USP53: variants seen among roughly 807,000 people sequenced by gnomAD.
USP53 encodes ubiquitin carboxyl-terminal hydrolase 53.
Under a neutral mutation model 94.9 loss-of-function variants are expected in USP53, and 71 were observed. That is an observed-to-expected ratio of 0.75 (90% CI 0.62 to 0.91). USP53 has a LOEUF of 0.91. USP53 is among the 40% of genes least tolerant of loss of function. USP53 has a pLI of 0.00. For synonymous variants in USP53, 375 were observed against 422.7 expected, an observed-to-expected ratio of 0.89 and a Z score of 1.39; for missense variants, 1,173 against 1,281.0, an observed-to-expected ratio of 0.92 and a Z score of 1.29.
intron 17 of USP53, among the ~76,000 whole-genome samples, chr4:119,276,215 G>T (rs1313745851): frequency 7.6e-6 from 1 of 130,782 alleles, no homozygotes; most frequent in African/African-American, 2.7e-5. Context: ...TGCCCATTCA[G>T]TATGATATTG....
At chr4:119,237,857 T>C (rs550449320) in intron 4 of USP53, among the ~76,000 whole-genome samples, 1 of 152,360 alleles carries the variant, frequency 6.6e-6, no homozygotes, top group East Asian at 1.9e-4. Context: ...TTTTATGTTA[T>C]GGAGATGGCA....
intron 11 of USP53, 149 bp from the exon 12 acceptor site, chr4:119,261,566 G>A: frequency 1.9e-6 from 1 of 522,044 alleles, no homozygotes; most frequent in Non-Finnish European, 3.1e-6. Flanking sequence ...TGTGATGTCA[G>A]TGGTGCCTTC....
chr4:119,260,527 A>T lies in USP53; in HGVS notation c.696A>T (p.Ile232=), dbSNP rs1245978771. 6.2e-7 allele frequency: 1 copy of T among 1,613,632 alleles called. No individual in the cohort carries two copies. The highest frequency in any genetic ancestry group is 1.3e-5 in the African/African-American group (1 of 74,902). ...RKCPSNCGQK[I]KIRRVLMNCP... ...TGTAGAGTAACTGTGGCCAAAAAAT[A>T]AAAATTCGCCGTGTTTTAATGAATT... The change falls in exon 11 of 19, where the codon ATA becomes ATT. Residue 232 remains isoleucine (I), a synonymous_variant. Transcript: ENST00000692078.
chr4:119,222,869 A>G (rs894248992), intron 3 of USP53, among the ~76,000 whole-genome samples: 3 of 131,934 alleles, frequency 2.3e-5, no homozygotes, highest in African/African-American at 8.7e-5. Context: ...ATGTAATACA[A>G]AAAATAATAA....
chr4:119,269,722 G>C lies in USP53; in HGVS notation c.1320G>C (p.Lys440Asn). 6.7e-7 allele frequency: 1 copy of C among 1,494,522 alleles called. No homozygotes were observed. The allele number at this position is 1,494,522 out of a possible 1,614,324, so 92.6% of individuals were successfully genotyped here. Residue 440 changes from lysine to asparagine, a missense_variant, in exon 15 of 19, where the codon AAG (lysine) becomes AAC (asparagine). Transcript: ENST00000692078. ...TAAGTCACATTGATCAAAGGGAAAAGATAAAAGACATTTCCAGAGAATGTG... is the reference window on the plus strand; with the variant it reads ...TAAGTCACATTGATCAAAGGGAAAACATAAAAGACATTTCCAGAGAATGTG... The part of the protein sequence containing the change: ...AKLSHIDQRE[K>N]IKDISRECAL...
intron 2 of USP53, among the ~76,000 whole-genome samples, chr4:119,214,844 A>G (rs576441047): frequency 6.6e-6 from 1 of 152,234 alleles, no homozygotes; most frequent in African/African-American, 2.4e-5. Context: ...AATCAGAATT[A>G]TTTTCCCTCC....
intron 15 of USP53, among the ~76,000 whole-genome samples, chr4:119,270,508 C>T (rs1213744355): frequency 2.6e-5 from 4 of 151,978 alleles, no homozygotes; most frequent in East Asian, 1.9e-4. Context: ...ATATGTGTTT[C>T]GATGTTTTAA....
chr4:119,216,595 A>G (rs1419985723), intron 2 of USP53, among the ~76,000 whole-genome samples: 1 of 152,182 alleles, frequency 6.6e-6, no homozygotes, highest in Non-Finnish European at 1.5e-5. Flanking sequence ...TCTGTGGTGA[A>G]AATCCACTTA....
Position 119,269,794 on chromosome 4 carries a change from A to G in USP53, c.1392A>G (p.Lys464=), listed in dbSNP as rs776694977. 1.2e-5 allele frequency: 18 copies of G among 1,527,750 alleles called. No homozygotes were observed. The East Asian group carries it at 2.9e-4, about 25-fold the overall frequency. The allele number at this position is 1,527,750 out of a possible 1,614,324, so 94.6% of individuals were successfully genotyped here. A position where few individuals can be genotyped will look rare whatever the true frequency, so the allele number is the denominator to read the frequency against. The part of the protein sequence containing the change: ...EQKNLLSSQR[K]DLEKGQRKDL... Reference sequence around the variant, plus strand: ...AAAACTTACTTTCTTCACAAAGGAAAGATTTAGAGAAGGGACAAAGAAAAG... The same window carrying G: ...AAAACTTACTTTCTTCACAAAGGAAGGATTTAGAGAAGGGACAAAGAAAAG... Residue 464 remains lysine, a synonymous_variant, in exon 15 of 19, where the codon AAA becomes AAG. Coordinates refer to ENST00000692078, the MANE Select transcript of USP53 (RefSeq NM_001371395.1).
intron 7 of USP53, among the ~76,000 whole-genome samples, chr4:119,249,713 G>T (rs1363865998): frequency 1.4e-5 from 2 of 147,982 alleles, no homozygotes; most frequent in Non-Finnish European, 3.0e-5. Flanking sequence ...CACCCAGGCT[G>T]GGGTGCAGTG....
At position 119,239,773 on chromosome 4, in the gene USP53, A is replaced by G; in HGVS notation, c.14A>G (p.Lys5Arg). 1 of 1,611,428 alleles carries G rather than the reference A, an allele frequency of 6.2e-7. No individual in the cohort carries two copies. The highest frequency in any genetic ancestry group is 2.2e-5 in the East Asian group (1 of 44,834). The part of the protein sequence containing the change: MAWV[K>R]FLRKPGGNLG... ...AGTTGCTTGAAAATGGCATGGGTAA[A>G]ATTCTTACGGAAACCTGGTGGCAAT... is the stretch of plus-strand genomic sequence containing the variant. The change falls in exon 5 of 19, where the codon AAA becomes AGA. Residue 5 changes from lysine to arginine, a missense_variant. Transcript: ENST00000692078.
intron 12 of USP53, among the ~76,000 whole-genome samples, chr4:119,266,771 G>A (rs1436792154): frequency 2.0e-5 from 3 of 151,748 alleles, no homozygotes; most frequent in Non-Finnish European, 4.4e-5. Context: ...AATTAATTTA[G>A]ATTAAGTCCA....
intron 2 of USP53, among the ~76,000 whole-genome samples, chr4:119,214,556 T>A (rs1743450692): frequency 2.0e-5 from 3 of 151,490 alleles, no homozygotes; most frequent in African/African-American, 7.3e-5. Flanking sequence ...AAGATAGTTT[T>A]AAAAAAGATA....
intron 17 of USP53, among the ~76,000 whole-genome samples, chr4:119,286,910 T>G (rs898854290): frequency 2.6e-5 from 4 of 152,032 alleles, no homozygotes; most frequent in Non-Finnish European, 4.4e-5. Context: ...TTACCCACAG[T>G]GATTTTCTTA....
chr4:119,290,377 G>C (rs1754616542), intron 17 of USP53, among the ~76,000 whole-genome samples: 1 of 152,104 alleles, frequency 6.6e-6, no homozygotes, highest in Non-Finnish European at 1.5e-5. Context: ...CAGGAGAGAA[G>C]TTAAGTATCA....
At chr4:119,273,354 T>A (rs1752116285) in intron 16 of USP53, 1 of 212,128 alleles carries the variant, frequency 4.7e-6, no homozygotes, top group Non-Finnish European at 9.3e-6. Context: ...AATTTTATAA[T>A]TCTTCTTGGA....
At chr4:119,280,074 G>T (rs190561586) in intron 17 of USP53, among the ~76,000 whole-genome samples, 2 of 152,194 alleles carry the variant, frequency 1.3e-5, no homozygotes, top group African/African-American at 2.4e-5. Flanking sequence ...CGTCGCTCAC[G>T]CTGGGAGCTG....
intron 12 of USP53, among the ~76,000 whole-genome samples, chr4:119,265,670 A>AAC (rs1751036388): frequency 6.6e-6 from 1 of 150,412 alleles, no homozygotes; most frequent in Admixed American, 6.6e-5. Flanking sequence ...CCTTTTCTCA[A>AAC]AACAACAACA....
At chr4:119,285,145 T>G (rs1178656802) in intron 17 of USP53, among the ~76,000 whole-genome samples, 2 of 151,000 alleles carry the variant, frequency 1.3e-5, no homozygotes, top group Non-Finnish European at 3.0e-5. Context: ...TTAGGCAGAG[T>G]GAGAAGGAAA....
Sources: gnomAD v4.1 joint callset for allele counts (sites outside exome capture counted in the v4.1 genomes callset) on GRCh38, gnomAD v4.1.1 for gene constraint, MANE v1.5 for transcripts, NCBI Gene and HGNC (gene_info 2026-07-23, HGNC 2026-07-21) for gene names.